CLEC16A: variants seen among roughly 807,000 people sequenced by gnomAD.
CLEC16A encodes the protein C-type lectin domain containing 16A, also known as protein CLEC16A.
Under a neutral mutation model 109.5 loss-of-function variants are expected in CLEC16A, and 51 were observed. The ratio of observed to expected loss-of-function variants is 0.47; its 90% CI spans 0.37 to 0.59. CLEC16A has a LOEUF of 0.59. Among genes scored for constraint, CLEC16A ranks in the 20% least tolerant of loss-of-function variants. CLEC16A has a pLI of 0.00. For missense variants in CLEC16A, 1,339 were observed against 1,394.0 expected, an observed-to-expected ratio of 0.96 and a Z score of 0.63; for synonymous variants, 673 against 564.2, an observed-to-expected ratio of 1.19 and a Z score of -2.73.
chr16:11,101,611 G>A (rs776889849), intron 19 of CLEC16A, among the ~76,000 whole-genome samples: 1 of 152,142 alleles, frequency 6.6e-6, no homozygotes, highest in Non-Finnish European at 1.5e-5. Flanking sequence ...CTCCACAGAC[G>A]TCTAGTGAGC....
chr16:11,078,122 G>A (rs568813530), intron 19 of CLEC16A, among the ~76,000 whole-genome samples: 1 of 152,060 alleles, frequency 6.6e-6, no homozygotes, highest in African/African-American at 2.4e-5. Flanking sequence ...CAGGGGAACC[G>A]CTCTAGGGGC....
intron 19 of CLEC16A, among the ~76,000 whole-genome samples, chr16:11,111,173 TTATC>T (rs2051561261): frequency 6.6e-6 from 1 of 152,162 alleles, no homozygotes; most frequent in Non-Finnish European, 1.5e-5. Flanking sequence ...ACCATCACAA[TTATC>T]TATTGCTGAG....
intron 19 of CLEC16A, among the ~76,000 whole-genome samples, chr16:11,103,116 G>GCC (rs1243277302): frequency 1.3e-5 from 2 of 152,232 alleles, no homozygotes; most frequent in African/African-American, 4.8e-5. Flanking sequence ...GAGGTGAAGA[G>GCC]CCTCAAACCC....
chr16:11,121,081 C>T (rs1216549593), intron 20 of CLEC16A, among the ~76,000 whole-genome samples: 1 of 152,154 alleles, frequency 6.6e-6, no homozygotes, highest in Admixed American at 6.6e-5. Flanking sequence ...ACTACATGTA[C>T]TATTTTTAAA....
intron 13 of CLEC16A, among the ~76,000 whole-genome samples, chr16:11,038,431 T>C (rs770664641): frequency 1.3e-5 from 2 of 152,178 alleles, no homozygotes; most frequent in Non-Finnish European, 2.9e-5. Context: ...GTAAGTGTAT[T>C]TTTGAAGAGC....
chr16:11,124,771 G>C (rs2052681422), intron 21 of CLEC16A, among the ~76,000 whole-genome samples: 1 of 152,192 alleles, frequency 6.6e-6, no homozygotes, highest in Non-Finnish European at 1.5e-5. Context: ...ATGTGGGGGT[G>C]CTTTCTCAAG....
intron 22 of CLEC16A, among the ~76,000 whole-genome samples, chr16:11,158,556 G>A (rs1266138324): frequency 1.3e-5 from 2 of 152,048 alleles, no homozygotes; most frequent in Non-Finnish European, 2.9e-5. Flanking sequence ...TCATACCTCA[G>A]ACTCAAAAGC....
chr16:11,029,269 C>A lies in CLEC16A; in HGVS notation c.1537+4348C>A, dbSNP rs147245206. Among the ~76,000 whole-genome samples, 16 of 152,270 alleles carry A rather than the reference C, an allele frequency of 1.1e-4. No homozygotes were observed. In the East Asian group the frequency reaches 1.7e-3, roughly 17 times the overall value. ...AGGTGGTCTCTCCACACTGGCCCCC[C>A]CAGTGTGAGCTCCAGGAATTGTTCC... On this transcript the variant is annotated intron_variant, in intron 13 of 23. Coordinates refer to ENST00000409790, the MANE Select transcript of CLEC16A (RefSeq NM_015226.3).
intron 22 of CLEC16A, among the ~76,000 whole-genome samples, chr16:11,159,688 TG>T (rs1308260663): frequency 6.6e-6 from 1 of 152,200 alleles, no homozygotes; most frequent in Non-Finnish European, 1.5e-5. Context: ...AGAAACCTTG[TG>T]GGTGAATTGG....
At chr16:11,118,577 C>G (rs2052174974) in intron 19 of CLEC16A, among the ~76,000 whole-genome samples, 1 of 152,184 alleles carries the variant, frequency 6.6e-6, no homozygotes, top group Admixed American at 6.5e-5. Context: ...GTTTAACCAT[C>G]ACAACTGTAA....
chr16:11,027,109 C>G, intron 13 of CLEC16A: 1 of 1,523,362 alleles, frequency 6.6e-7, no homozygotes, highest in Non-Finnish European at 9.0e-7. Context: ...CTCAAAGCCA[C>G]CCAGGCAAAG....
chr16:11,050,911 AG>A (rs1228755362), intron 17 of CLEC16A, among the ~76,000 whole-genome samples: 2 of 152,236 alleles, frequency 1.3e-5, no homozygotes, highest in African/African-American at 4.8e-5. Context: ...GGAATCACAG[AG>A]GCCCTGGAGC....
At chr16:11,150,169 A>T (rs1023605327) in intron 22 of CLEC16A, 2 of 152,228 alleles carry the variant, frequency 1.3e-5, no homozygotes, top group African/African-American at 2.4e-5. Flanking sequence ...CGTAATACCT[A>T]TGTGTGCCCT....
chr16:10,999,411 T>C lies in CLEC16A; in HGVS notation c.1072-3663T>C, dbSNP rs550421533. On this transcript the variant is annotated intron_variant, in intron 10 of 23. Transcript: ENST00000409790. ...TCCAGGAAAAGTCGCATTTACACCA[T>C]CACGTATAGCCTTTGAAAAGCTTTA... 4.3e-4 allele frequency among the ~76,000 whole-genome samples: 66 copies of C among 152,312 alleles called. No homozygotes were observed. In the South Asian group the frequency reaches 8.1e-3, roughly 19 times the overall value.
Position 11,156,469 on chromosome 16 carries a change from C to T in CLEC16A, c.2642-9919C>T, listed in dbSNP as rs971448772. The T allele has an allele frequency of 7.1e-6, 4 of 561,428 alleles. No homozygotes were observed. In the African/African-American group the frequency reaches 7.7e-5, roughly 11 times the overall value. The allele number at this position is 561,428 out of a possible 1,614,324, so 34.8% of individuals were successfully genotyped here. The stretch of plus-strand genomic sequence containing the variant: ...AGCAGGGCCATAGTGACCCACCCTG[C>T]TCCTGGTGCATTCCTGATTCTGCTC... On this transcript the variant is annotated intron_variant, in intron 22 of 23. Coordinates refer to ENST00000409790, the MANE Select transcript of CLEC16A (RefSeq NM_015226.3).
chr16:10,996,312 C>A (rs868068408), intron 10 of CLEC16A, among the ~76,000 whole-genome samples: 34 of 152,216 alleles, frequency 2.2e-4, no homozygotes, highest in African/African-American at 7.7e-4. Context: ...CCCTGACTTC[C>A]TGCAAAGTCC....
intron 22 of CLEC16A, among the ~76,000 whole-genome samples, chr16:11,149,476 T>C (rs2054206171): frequency 6.6e-6 from 1 of 151,712 alleles, no homozygotes; most frequent in South Asian, 2.1e-4. Flanking sequence ...AAAAAAAAAA[T>C]ACATGAGTTG....
intron 1 of CLEC16A, among the ~76,000 whole-genome samples, chr16:10,945,769 G>T (rs940468392): frequency 1.3e-5 from 2 of 152,074 alleles, no homozygotes; most frequent in African/African-American, 4.8e-5. Context: ...CCTACCTAAC[G>T]TGCTCCCCCC....
At chr16:11,146,753 G>C (rs555217753) in intron 22 of CLEC16A, among the ~76,000 whole-genome samples, 86 of 133,844 alleles carry the variant, frequency 6.4e-4, no homozygotes, top group African/African-American at 2.2e-3. Flanking sequence ...TGGGTGGATG[G>C]CCGGATGGGA....
Sources: gnomAD v4.1 joint callset for allele counts (sites outside exome capture counted in the v4.1 genomes callset) on GRCh38, gnomAD v4.1.1 for gene constraint, MANE v1.5 for transcripts, NCBI Gene and HGNC (gene_info 2026-07-23, HGNC 2026-07-21) for gene names.